Variants in BABAM2 observed in about 807,000 individuals in gnomAD.
BABAM2 encodes the protein BRISC and BRCA1 A complex member 2, also known as BRISC and BRCA1-A complex member 2.
In BABAM2, 31 loss-of-function variants were observed where a neutral mutation model predicts 54.7. The ratio of observed to expected loss-of-function variants is 0.57; its 90% CI spans 0.43 to 0.77. The LOEUF (loss-of-function observed/expected upper bound fraction) is 0.77. Ranked by LOEUF, BABAM2 falls within the 30% of genes least tolerant of loss-of-function variation. BABAM2 has a pLI of 0.00. For synonymous variants in BABAM2, 167 were observed against 162.9 expected (o/e 1.03, Z -0.19); for missense variants, 364 against 455.8 (o/e 0.80, Z 1.83).
At chr2:28,225,701 C>T (rs1052000976) in intron 7 of BABAM2, among the ~76,000 whole-genome samples, 7 of 151,524 alleles carry the variant, frequency 4.6e-5, no homozygotes, top group Non-Finnish European at 2.9e-5. Flanking sequence ...AAATAGCTCC[C>T]TCTTGCACAG....
intron 7 of BABAM2, among the ~76,000 whole-genome samples, chr2:28,147,344 C>CATTA (rs1355154047): frequency 6.6e-6 from 1 of 152,184 alleles, no homozygotes; most frequent in African/African-American, 2.4e-5. Flanking sequence ...ATAGAACTCT[C>CATTA]ATTAAACAGA....
intron 11 of BABAM2, among the ~76,000 whole-genome samples, chr2:28,328,735 A>C (rs548886879): frequency 5.5e-4 from 83 of 152,224 alleles, no homozygotes; most frequent in African/African-American, 2.0e-3. Flanking sequence ...CAGGTATCTT[A>C]ACTAAACTTG....
rs940663841 is a variant in BABAM2 at position 28,325,693 on chromosome 2, G to A, written c.1089-12757G>A. Reference sequence around the variant, plus strand: ...TAAGGGTGAAGAGAGGAGGGACCATGGCCATCTTGCTGCCCCTCCCCCACA... The same window carrying A: ...TAAGGGTGAAGAGAGGAGGGACCATAGCCATCTTGCTGCCCCTCCCCCACA... On this transcript the variant is annotated intron_variant, in intron 11 of 11. Coordinates refer to ENST00000379624, the MANE Select transcript of BABAM2 (RefSeq NM_199191.3). The surrounding 1 kb of genome is among the most constrained non-coding windows in gnomAD (Gnocchi z 4.3). Among the ~76,000 whole-genome samples, 6 of 152,144 alleles carry A rather than the reference G, an allele frequency of 3.9e-5. No homozygotes were observed. Among genetic ancestry groups the A allele is most frequent in the African/African-American group, 1.4e-4 (6 of 41,418 alleles).
intron 7 of BABAM2, among the ~76,000 whole-genome samples, chr2:28,190,698 G>C (rs546477014): frequency 1.2e-4 from 19 of 152,128 alleles, no homozygotes; most frequent in Non-Finnish European, 2.4e-4. Context: ...AAAAACAAGG[G>C]GGGGGCGGTG....
chr2:28,160,735 G>GT (rs562679552), intron 7 of BABAM2, among the ~76,000 whole-genome samples: 62,794 of 129,054 alleles, frequency 0.49, 15,339 homozygotes, highest in Middle Eastern at 0.63. Context: ...CATATAAATT[G>GT]TTTTTTTTTT....
intron 6 of BABAM2, among the ~76,000 whole-genome samples, chr2:28,095,291 T>A (rs1666512780): frequency 6.6e-6 from 1 of 152,168 alleles, no homozygotes; most frequent in East Asian, 1.9e-4. Context: ...CTTTCCTCCA[T>A]GCCCCTACAC....
At chr2:28,233,603 A>G (rs112855198) in intron 7 of BABAM2, among the ~76,000 whole-genome samples, 3 of 152,226 alleles carry the variant, frequency 2.0e-5, no homozygotes, top group African/African-American at 7.2e-5. Flanking sequence ...AGTGTGTGAC[A>G]CTGGATGTAG....
At chr2:28,138,386 A>T (rs1027878434) in intron 7 of BABAM2, among the ~76,000 whole-genome samples, 5 of 152,232 alleles carry the variant, frequency 3.3e-5, no homozygotes, top group African/African-American at 1.2e-4. Flanking sequence ...TTAAAGGAAT[A>T]GCAGATTGAC....
chr2:27,980,444 C>T (rs957793740), intron 3 of BABAM2, among the ~76,000 whole-genome samples: 1 of 152,164 alleles, frequency 6.6e-6, no homozygotes, highest in African/African-American at 2.4e-5. Flanking sequence ...CCAGTATGCA[C>T]ATCTGTGCGT....
chr2:28,039,756 A>T (rs1017285216), intron 5 of BABAM2, among the ~76,000 whole-genome samples: 11 of 152,268 alleles, frequency 7.2e-5, no homozygotes, highest in African/African-American at 2.7e-4. Flanking sequence ...CTTAGACTTA[A>T]TAAATTGCCA....
intron 6 of BABAM2, among the ~76,000 whole-genome samples, chr2:28,059,454 G>A (rs1678690230): frequency 6.6e-6 from 1 of 152,146 alleles, no homozygotes; most frequent in African/African-American, 2.4e-5. Flanking sequence ...CTCTCTTGAA[G>A]CAGGATGGGA....
At position 28,197,575 on chromosome 2, in the gene BABAM2, T is replaced by C. The variant is rs540246400; in HGVS notation, c.681-39627T>C. Among the ~76,000 whole-genome samples the C allele has an allele frequency of 1.3e-4, 20 of 152,246 alleles. No individual in the cohort carries two copies. In the South Asian group the frequency reaches 3.9e-3, roughly 30 times the overall value. ...AGAAATGGAAATGAAGTAAAAGGGATGAGATAGATAAATTGCTGTTTTTGT... is the reference window on the plus strand; with the variant it reads ...AGAAATGGAAATGAAGTAAAAGGGACGAGATAGATAAATTGCTGTTTTTGT... On this transcript the variant is annotated intron_variant, in intron 7 of 11. Transcript: ENST00000379624.
rs1667968594 is a variant in BABAM2 at position 27,929,855 on chromosome 2, C to T, written c.152C>T (p.Pro51Leu). The change falls in exon 3 of 12, where the codon CCC becomes CTC. Residue 51 changes from proline to leucine, a missense_variant. Coordinates refer to ENST00000379624, the MANE Select transcript of BABAM2 (RefSeq NM_199191.3). ...AGCTGCACATCATTGACTCCTGGGC[C>T]CAACTGTGACCGATTTAAACTGCAC... Reference protein sequence around the residue: ...KSGCTSLTPGPNCDRFKLHIP... With the variant: ...KSGCTSLTPGLNCDRFKLHIP... The T allele has an allele frequency of 6.2e-7, 1 of 1,613,746 alleles. No homozygotes were observed. Among genetic ancestry groups the T allele is most frequent in the Non-Finnish European group, 8.5e-7 (1 of 1,179,790 alleles).
At chr2:28,227,984 A>G (rs879834254) in intron 7 of BABAM2, among the ~76,000 whole-genome samples, 1 of 152,052 alleles carries the variant, frequency 6.6e-6, no homozygotes, top group Non-Finnish European at 1.5e-5. Flanking sequence ...TTACAATTCC[A>G]GTTTCACTGT....
chr2:28,199,154 G>A (rs1030511057), intron 7 of BABAM2, among the ~76,000 whole-genome samples: 10 of 152,258 alleles, frequency 6.6e-5, no homozygotes, highest in South Asian at 2.1e-4. Context: ...GGTCAGCATC[G>A]AGGGCAAACA....
chr2:28,247,181 C>A (rs1303740453), intron 10 of BABAM2, among the ~76,000 whole-genome samples: 1 of 152,112 alleles, frequency 6.6e-6, no homozygotes, highest in African/African-American at 2.4e-5. Flanking sequence ...TCCTGTACTC[C>A]CCCGGCTGTT....
At chr2:27,934,213 AT>A (rs1277322456) in intron 3 of BABAM2, among the ~76,000 whole-genome samples, 1 of 151,992 alleles carries the variant, frequency 6.6e-6, no homozygotes, top group African/African-American at 2.4e-5. Context: ...TTTAATTATT[AT>A]TTTTTTAAAC....
intron 7 of BABAM2, among the ~76,000 whole-genome samples, chr2:28,162,662 A>G (rs1673218157): frequency 1.3e-5 from 2 of 152,180 alleles, no homozygotes; most frequent in Non-Finnish European, 2.9e-5. Flanking sequence ...CTCGCACACT[A>G]GAGCAGTGTT....
In BABAM2 at chr2:28,052,633, A is replaced by G. The variant is rs568007259; in HGVS notation, c.570+6834A>G. Among the ~76,000 whole-genome samples the G allele has an allele frequency of 4.6e-5, 7 of 152,248 alleles. No homozygotes were observed. The East Asian group carries it at 1.4e-3, about 29-fold the overall frequency. On this transcript the variant is annotated intron_variant, in intron 6 of 11. Coordinates refer to ENST00000379624, the MANE Select transcript of BABAM2 (RefSeq NM_199191.3). ...TTAAGAAGTTGTTTTAATTCGTGAT[A>G]TGCTTAAATATGATCATTATATCAA... is the stretch of plus-strand genomic sequence containing the variant.
Sources: gnomAD v4.1 joint callset for allele counts (sites outside exome capture counted in the v4.1 genomes callset) on GRCh38, gnomAD v4.1.1 for gene constraint, Gnocchi (gnomAD v3.1) non-coding constraint, MANE v1.5 for transcripts, NCBI Gene and HGNC (gene_info 2026-07-23, HGNC 2026-07-21) for gene names.